The following AVEN variants were observed in gnomAD, a reference collection of about 807,000 sequenced individuals.
AVEN encodes the protein apoptosis and caspase activation inhibitor.
A neutral mutation model predicts 38.1 loss-of-function variants in AVEN; 41 were observed. The ratio of observed to expected loss-of-function variants is 1.08; its 90% CI spans 0.84 to 1.40. The LOEUF (loss-of-function observed/expected upper bound fraction) is 1.40. Among genes scored for constraint, AVEN ranks in the 40% most tolerant of loss-of-function variants. The pLI is 0.00. For missense variants in AVEN, 605 were observed against 438.8 expected (o/e 1.38, Z -3.38); for synonymous variants, 206 against 171.8 (o/e 1.20, Z -1.56).
In AVEN at chr15:34,017,473, A is replaced by AT. The variant is rs200988059; in HGVS notation, c.268-14265dup. On this transcript the variant is annotated intron_variant, in intron 1 of 5. Transcript: ENST00000306730. ...AACCAAGATAAGTGATTTCAGTATGATTTTTTTTTTGTTTTTTTTTTTTTT... is the reference window on the plus strand; with the variant it reads ...AACCAAGATAAGTGATTTCAGTATGATTTTTTTTTTTGTTTTTTTTTTTTTT... Among the ~76,000 whole-genome samples the AT allele has an allele frequency of 1.7e-3, 176 of 101,404 alleles. 1 individual carries two copies. The highest frequency in any genetic ancestry group is 5.4e-3 in the Middle Eastern group (1 of 184). The allele number at this position is 101,404 out of a possible 152,430, so 66.5% of individuals were successfully genotyped here.
intron 2 of AVEN, 49 bp from the exon 3 acceptor site, chr15:33,876,044 C>T: frequency 6.5e-7 from 1 of 1,540,376 alleles, no homozygotes; most frequent in Non-Finnish European, 8.8e-7. Flanking sequence ...AACGGAAACT[C>T]TCAGTTCTCT....
chr15:33,936,080 A>C (rs1484494908), intron 2 of AVEN, among the ~76,000 whole-genome samples: 3 of 152,206 alleles, frequency 2.0e-5, no homozygotes, highest in Admixed American at 2.0e-4. Flanking sequence ...AACAGCTATA[A>C]AAACCAACAG....
At chr15:34,020,627 G>A (rs1172987669) in intron 1 of AVEN, among the ~76,000 whole-genome samples, 4 of 152,186 alleles carry the variant, frequency 2.6e-5, no homozygotes, top group Admixed American at 6.5e-5. Flanking sequence ...CTGACTTACA[G>A]ATGGGCAGCT....
intron 2 of AVEN, among the ~76,000 whole-genome samples, chr15:33,878,585 G>T (rs1891351602): frequency 6.6e-6 from 1 of 152,022 alleles, no homozygotes; most frequent in Non-Finnish European, 1.5e-5. Flanking sequence ...TTTGGCTACT[G>T]AAAAAATTTT....
intron 2 of AVEN, among the ~76,000 whole-genome samples, chr15:33,877,140 T>C (rs187089253): frequency 6.6e-6 from 1 of 152,284 alleles, no homozygotes; most frequent in Admixed American, 6.5e-5. Flanking sequence ...CCTAACTTCC[T>C]AAAAAGCCAA....
In AVEN at chr15:34,063,021, G is replaced by A. The variant is rs878903159; in HGVS notation, n.1538C>T. 6.2e-7 allele frequency: 1 copy of A among 1,614,064 alleles called. No homozygotes were observed. The highest frequency in any genetic ancestry group is 1.1e-5 in the South Asian group (1 of 91,088). ...GGGACGCTGGGCTCTCGGGAGTCTG[G>A]CTTGTGACCTTTGGCTTGCACTGGA... On this transcript the variant is annotated non_coding_transcript_exon_variant, in exon 5 of 12. Transcript: ENST00000675287. This position sits in a 1 kb window ranked among gnomAD's most constrained non-coding sequence, Gnocchi z 4.1.
rs150083681 is a variant in AVEN, at chr15:33,944,766, G to A, written c.445+58266C>T. On this transcript the variant is annotated intron_variant, in intron 2 of 5. Transcript: ENST00000306730. ...GGAACTTGCAGTGAGCCGAGATCGCGCTCCTGCACTCCAGCCTGGGCGACA... is the reference window on the plus strand; with the variant it reads ...GGAACTTGCAGTGAGCCGAGATCGCACTCCTGCACTCCAGCCTGGGCGACA... Among the ~76,000 whole-genome samples the A allele has an allele frequency of 6.7e-3, 1,014 of 151,500 alleles. 11 individuals are homozygous for A. The highest frequency in any genetic ancestry group is 0.026 in the South Asian group (127 of 4,794).
rs769263866 is a variant in AVEN, at chr15:34,063,460, C to G, written n.1127-28G>C. 11 of 1,613,760 alleles carry G rather than the reference C, an allele frequency of 6.8e-6. 1 individual carries two copies. The South Asian group carries it at 1.2e-4, about 18-fold the overall frequency. ...GAGAAGAGAAAGCCAGCTCATAGGG[C>G]TCTGTTCAGATCCTGCTTGCGCTGT... On this transcript the variant is annotated intron_variant and non_coding_transcript_variant, in intron 4 of 11. Coordinates refer to the AVEN transcript ENST00000675287. The surrounding 1 kb of genome is among the most constrained non-coding windows in gnomAD (Gnocchi z 4.1).
chr15:33,882,629 G>A (rs1002186250), intron 2 of AVEN, among the ~76,000 whole-genome samples: 4 of 151,994 alleles, frequency 2.6e-5, no homozygotes, highest in Non-Finnish European at 5.9e-5. Context: ...CACTTTGGGA[G>A]GCTGAGGTGG....
chr15:34,033,232 G>A (rs1483670961), intron 1 of AVEN, among the ~76,000 whole-genome samples: 5 of 152,154 alleles, frequency 3.3e-5, no homozygotes, highest in African/African-American at 4.8e-5. Context: ...AAGGCTGGGC[G>A]CGGTGGCTCA....
chr15:34,064,365 CTG>C, intron 4 of AVEN: 1 of 1,539,242 alleles, frequency 6.5e-7, no homozygotes, highest in Non-Finnish European at 8.7e-7. Flanking sequence ...TCAACATCCT[CTG>C]AGGATGAGCA....
chr15:34,045,202 G>A (rs1025705498), intron 5 of AVEN, among the ~76,000 whole-genome samples: 4 of 152,022 alleles, frequency 2.6e-5, no homozygotes, highest in East Asian at 1.9e-4. Flanking sequence ...AAGGACTATC[G>A]TATATCTCTT....
chr15:34,000,659 T>A (rs528040609), intron 2 of AVEN, among the ~76,000 whole-genome samples: 2 of 152,284 alleles, frequency 1.3e-5, no homozygotes, highest in Non-Finnish European at 2.9e-5. Context: ...GAATTTTTAT[T>A]ATCAGAGAAT....
intron 2 of AVEN, among the ~76,000 whole-genome samples, chr15:33,958,404 A>C (rs570975174): frequency 6.6e-6 from 1 of 152,122 alleles, no homozygotes; most frequent in East Asian, 1.9e-4. Context: ...ACATGGCGAA[A>C]CCCCATCTCT....
At chr15:34,040,558 G>A (rs1424700529), upstream of AVEN, among the ~76,000 whole-genome samples, 2 of 152,142 alleles carry the variant, frequency 1.3e-5, no homozygotes, top group Non-Finnish European at 2.9e-5. Context: ...ACTAATAGCT[G>A]GCCTACGAGG....
At chr15:34,001,705 A>G (rs1897144525) in intron 2 of AVEN, among the ~76,000 whole-genome samples, 2 of 12,986 alleles carry the variant, frequency 1.5e-4, no homozygotes, top group Admixed American at 3.7e-3. Context: ...TGAATCATCT[A>G]CGGTAATGAC....
intron 2 of AVEN, among the ~76,000 whole-genome samples, chr15:33,888,655 T>C (rs1319733349): frequency 1.3e-5 from 2 of 151,166 alleles, no homozygotes; most frequent in Non-Finnish European, 2.9e-5. Flanking sequence ...CAAATTATTG[T>C]TAATGTTTTA....
chr15:33,864,555 G>C (rs1347905562), downstream of AVEN, among the ~76,000 whole-genome samples: 1 of 151,138 alleles, frequency 6.6e-6, no homozygotes, highest in Non-Finnish European at 1.5e-5. Context: ...GAAAGATAAC[G>C]ACCTCATGTG....
intron 2 of AVEN, among the ~76,000 whole-genome samples, chr15:34,068,905 G>A (rs954036554): frequency 4.7e-5 from 7 of 149,064 alleles, no homozygotes; most frequent in South Asian, 2.1e-4. Flanking sequence ...TCCGCCTCCC[G>A]GGTTCACGCC....
Sources: gnomAD v4.1 joint callset for allele counts (sites outside exome capture counted in the v4.1 genomes callset) on GRCh38, gnomAD v4.1.1 for gene constraint, Gnocchi (gnomAD v3.1) non-coding constraint, MANE v1.5 for transcripts, NCBI Gene and HGNC (gene_info 2026-07-23, HGNC 2026-07-21) for gene names.